MEX3C: variants seen among roughly 807,000 people sequenced by gnomAD.
MEX3C encodes RNA-binding E3 ubiquitin-protein ligase MEX3C.
In MEX3C, 15 loss-of-function variants were observed where a neutral mutation model predicts 35.5. That is an observed-to-expected ratio of 0.42 (90% confidence interval 0.28 to 0.65). MEX3C has a LOEUF of 0.65. Ranked by LOEUF, MEX3C falls within the 30% of genes least tolerant of loss-of-function variation. The probability of loss-of-function intolerance (pLI) is 0.20; values close to 1 mark genes in which losing one functional copy is unlikely to be tolerated. For synonymous variants in MEX3C, 390 were observed against 352.8 expected, an observed-to-expected ratio of 1.11 and a Z score of -1.18; for missense variants, 711 against 842.8, an observed-to-expected ratio of 0.84 and a Z score of 1.94.
intron 1 of MEX3C, among the ~76,000 whole-genome samples, chr18:51,191,792 G>C (rs1912655001): frequency 6.6e-6 from 1 of 152,042 alleles, no homozygotes; most frequent in South Asian, 2.1e-4. Flanking sequence ...TGAAGCCTAG[G>C]GAGTTTAAGT....
intron 1 of MEX3C, among the ~76,000 whole-genome samples, chr18:51,186,421 G>A (rs934318541): frequency 6.6e-6 from 1 of 152,236 alleles, no homozygotes; most frequent in Non-Finnish European, 1.5e-5. Context: ...GGAACTGCAA[G>A]TGCAAAAGCA....
In MEX3C at chr18:51,177,181, G is replaced by A. The variant is rs370108593; in HGVS notation, c.1150C>T (p.Arg384Trp). The A allele has an allele frequency of 1.2e-6, 2 of 1,613,448 alleles. No homozygotes were observed. Among genetic ancestry groups the A allele is most frequent in the South Asian group, 1.1e-5 (1 of 91,082 alleles). The change falls in exon 2 of 2, where the codon CGG becomes TGG. Residue 384 changes from arginine (R) to tryptophan (W), a missense_variant. Physicochemically the swap from Arg to Trp is moderately radical, Grantham distance 101 (BLOSUM62 -3). Coordinates refer to ENST00000406189, the MANE Select transcript of MEX3C (RefSeq NM_016626.5). This position sits in a 1 kb window ranked among gnomAD's most constrained non-coding sequence, Gnocchi z 4.2. ...TGMPENVDRA[R>W]EEIEMHIAMR... ...GCAATATGCATTTCTATTTCTTCCCGTGCTCGGTCAACATTTTCAGGCATC... is the reference window on the plus strand; with the variant it reads ...GCAATATGCATTTCTATTTCTTCCCATGCTCGGTCAACATTTTCAGGCATC...
At chr18:51,192,561 T>A (rs1309400634) in intron 1 of MEX3C, among the ~76,000 whole-genome samples, 1 of 152,130 alleles carries the variant, frequency 6.6e-6, no homozygotes, top group Non-Finnish European at 1.5e-5. Context: ...TTTTATCAAG[T>A]AAACTAATTT....
At chr18:51,185,892 C>A (rs7236521) in intron 1 of MEX3C, among the ~76,000 whole-genome samples, 1 of 149,522 alleles carries the variant, frequency 6.7e-6, no homozygotes, top group Admixed American at 6.7e-5. Flanking sequence ...AGACCCCCCC[C>A]TCTCTATAAT....
intron 1 of MEX3C, among the ~76,000 whole-genome samples, chr18:51,192,005 A>C (rs1912661781): frequency 6.6e-6 from 1 of 152,172 alleles, no homozygotes; most frequent in Non-Finnish European, 1.5e-5. Context: ...AGTATTCAAA[A>C]CCAAATCAGC....
chr18:51,186,786 T>C (rs911444092), intron 1 of MEX3C, among the ~76,000 whole-genome samples: 2 of 151,888 alleles, frequency 1.3e-5, no homozygotes, highest in African/African-American at 2.4e-5. Flanking sequence ...AGTACTTGTG[T>C]TGTAGATTTT....
At position 51,177,624 on chromosome 18, in the gene MEX3C, T is replaced by C; in HGVS notation, c.755-48A>G. On this transcript the variant is annotated intron_variant, in intron 1 of 1. Transcript: ENST00000406189. This position sits in a 1 kb window ranked among gnomAD's most constrained non-coding sequence, Gnocchi z 4.2. ...TAAGAATCAACATCTACTTCAATGA[T>C]ATATATAAAGACAAATCACAGAATG... 1 of 1,525,948 alleles carries C rather than the reference T, an allele frequency of 6.6e-7. No individual in the cohort carries two copies. Among genetic ancestry groups the C allele is most frequent in the South Asian group, 1.3e-5 (1 of 76,760 alleles). The allele number at this position is 1,525,948 out of a possible 1,614,324, so 94.5% of individuals were successfully genotyped here. A position where few individuals can be genotyped will look rare whatever the true frequency, so the allele number is the denominator to read the frequency against.
chr18:51,196,350 T>A, intron 1 of MEX3C: 3 of 1,123,532 alleles, frequency 2.7e-6, no homozygotes, highest in Non-Finnish European at 3.6e-6. Flanking sequence ...CCCGAGAAAC[T>A]TCACACTTTT....
intron 1 of MEX3C, among the ~76,000 whole-genome samples, chr18:51,187,409 C>T (rs1477977634): frequency 6.6e-6 from 1 of 152,174 alleles, no homozygotes; most frequent in African/African-American, 2.4e-5. Context: ...CTGCAGGACT[C>T]GGAACCTGCT....
At position 51,176,709 on chromosome 18, in the gene MEX3C, G is replaced by GTAGA; in HGVS notation, c.1618_1621dup (p.Thr541IlefsTer11). On this transcript the variant is annotated frameshift_variant, in exon 2 of 2. Coordinates refer to ENST00000406189, the MANE Select transcript of MEX3C (RefSeq NM_016626.5). LOFTEE classifies it high-confidence loss of function. ...AGGAAATGTAGGAGACAGACGAGGA[G>GTAGA]TAGATGGCTGACTTCCTCTGCGCTG... 6.2e-7 allele frequency: 1 copy of GTAGA among 1,614,060 alleles called. No individual in the cohort carries two copies. Among genetic ancestry groups the GTAGA allele is most frequent in the Non-Finnish European group, 8.5e-7 (1 of 1,179,902 alleles).
Position 51,196,724 on chromosome 18 carries a change from C to G in MEX3C, c.597G>C (p.Ala199=). 6.5e-7 allele frequency: 1 copy of G among 1,533,386 alleles called. No homozygotes were observed. Among genetic ancestry groups the G allele is most frequent in the South Asian group, 1.2e-5 (1 of 83,586 alleles). 95.0% of individuals were successfully genotyped at this position (1,533,386 alleles called of 1,614,324 possible). A position where few individuals can be genotyped will look rare whatever the true frequency, so the allele number is the denominator to read the frequency against. Reference sequence around the variant, plus strand: ...CGGGGCCGTAGGCGTGGGACAGCATCGCCGCCATCATGCCCTGGGCATCGT... The same window carrying G: ...CGGGGCCGTAGGCGTGGGACAGCATGGCCGCCATCATGCCCTGGGCATCGT... The part of the protein sequence containing the change: ...GGDDAQGMMA[A]MLSHAYGPGG... The change falls in exon 1 of 2, where the codon GCG becomes GCC. Residue 199 remains alanine, a synonymous_variant. Transcript: ENST00000406189.
chr18:51,194,656 T>A (rs1227468636), intron 1 of MEX3C: 1 of 152,234 alleles, frequency 6.6e-6, no homozygotes, highest in Non-Finnish European at 1.5e-5. Context: ...TCAGTAAAAC[T>A]GGCACGTAAA....
intron 1 of MEX3C, among the ~76,000 whole-genome samples, chr18:51,181,160 TA>T (rs1417473027): frequency 1.3e-5 from 2 of 152,130 alleles, no homozygotes; most frequent in African/African-American, 4.8e-5. Context: ...CAGAGTGAAA[TA>T]AAATTCAGAA....
Position 51,196,683 on chromosome 18 carries a change from G to C in MEX3C, c.638C>G (p.Ala213Gly). 4 of 1,544,244 alleles carry C rather than the reference G, an allele frequency of 2.6e-6. No homozygotes were observed. In the East Asian group the frequency reaches 9.7e-5, roughly 38 times the overall value. ...CTGCTCCCCGTTCAGGGCGGCCGCC[G>C]CCGCCCCACAACCGCCGGGGCCGTA... ...HAYGPGGCGA[A>G]AAALNGEQAA... The change falls in exon 1 of 2, where the codon GCG (alanine) becomes GGG (glycine). Residue 213 changes from alanine to glycine, a missense_variant. Physicochemically the swap from Ala to Gly is moderately conservative, Grantham distance 60 (BLOSUM62 0). Coordinates refer to ENST00000406189, the MANE Select transcript of MEX3C (RefSeq NM_016626.5).
At chr18:51,182,694 T>G (rs534410956) in intron 1 of MEX3C, among the ~76,000 whole-genome samples, 1 of 152,160 alleles carries the variant, frequency 6.6e-6, no homozygotes, top group Non-Finnish European at 1.5e-5. Context: ...TAAAGAGAGC[T>G]TTTCCTAGCC....
At chr18:51,180,563 C>T (rs918780634) in intron 1 of MEX3C, among the ~76,000 whole-genome samples, 2 of 152,110 alleles carry the variant, frequency 1.3e-5, no homozygotes, top group African/African-American at 4.8e-5. Context: ...CTGCAACTTC[C>T]GTCTCCTGGG....
At chr18:51,196,516 C>T (rs1010864382) in intron 1 of MEX3C, 51 bp downstream of exon 1, 2 of 1,523,394 alleles carry the variant, frequency 1.3e-6, no homozygotes, top group Admixed American at 2.1e-5. Flanking sequence ...CTCGTCTCCC[C>T]ACCCACGCCC....
intron 1 of MEX3C, among the ~76,000 whole-genome samples, chr18:51,179,576 A>G (rs929553750): frequency 3.1e-5 from 4 of 128,204 alleles, no homozygotes; most frequent in African/African-American, 1.2e-4. Flanking sequence ...CAGATTTTGG[A>G]GCTCTAAAAC....
rs1912268164 is a variant in MEX3C at position 51,175,040 on chromosome 18, C to A, written c.*1311G>T. The A allele has an allele frequency of 1.3e-5, 2 of 152,522 alleles. No individual in the cohort carries two copies. Among genetic ancestry groups the A allele is most frequent in the East Asian group, 1.9e-4 (1 of 5,178 alleles). The allele number at this position is 152,522 out of a possible 1,614,324, so 9.4% of individuals were successfully genotyped here. On this transcript the variant is annotated 3_prime_UTR_variant, in exon 2 of 2. Coordinates refer to ENST00000406189, the MANE Select transcript of MEX3C (RefSeq NM_016626.5). ...GCAACTTTTTTTATACTGAAAAAATCAAAATAAAAACCGTTATTTGTAAAC... is the reference window on the plus strand; with the variant it reads ...GCAACTTTTTTTATACTGAAAAAATAAAAATAAAAACCGTTATTTGTAAAC...
Sources: gnomAD v4.1 joint callset for allele counts (sites outside exome capture counted in the v4.1 genomes callset) on GRCh38, gnomAD v4.1.1 for gene constraint, Gnocchi (gnomAD v3.1) non-coding constraint, MANE v1.5 for transcripts, NCBI Gene and HGNC (gene_info 2026-07-23, HGNC 2026-07-21) for gene names.